Variants in PGAP6 observed in about 807,000 individuals in gnomAD.
PGAP6 encodes the protein post-GPI attachment to proteins factor 6.
PGAP6 carries 62 observed loss-of-function variants against 68.4 expected under a neutral mutation model. The ratio of observed to expected loss-of-function variants is 0.91; its 90% confidence interval spans 0.74 to 1.12. The LOEUF (loss-of-function observed/expected upper bound fraction) is 1.12. Ranked by LOEUF, PGAP6 falls within the 50% of genes most tolerant of loss-of-function variation. The probability of loss-of-function intolerance (pLI) is 0.00; values close to 1 mark genes in which losing one functional copy is unlikely to be tolerated. For missense variants in PGAP6, 1,188 were observed against 1,068.5 expected (o/e 1.11, Z -1.56); for synonymous variants, 575 against 474.0 (o/e 1.21, Z -2.77).
In PGAP6 at chr16:374,136, C is replaced by A; in HGVS notation, c.1771G>T (p.Asp591Tyr). The change falls in exon 11 of 13, where the codon GAC (aspartate) becomes TAC (tyrosine). Residue 591 changes from aspartate to tyrosine, a missense_variant. Transcript: ENST00000431232. Reference protein sequence around the residue: ...MFFSTFYHACDQPGEAVLCIL... With the variant: ...MFFSTFYHACYQPGEAVLCIL... ...CACAGCACCGCCTCCCCGGGCTGGT[C>A]GCAGGCGTGGTAGAACTGTGGGGAG... The A allele has an allele frequency of 1.2e-6, 2 of 1,611,004 alleles. No individual in the cohort carries two copies.
intron 1 of PGAP6, among the ~76,000 whole-genome samples, chr16:380,061 ACAGAG>A (rs1365009992): frequency 6.6e-6 from 1 of 152,134 alleles, no homozygotes; most frequent in Non-Finnish European, 1.5e-5. Context: ...CCACAACGCC[ACAGAG>A]CACTTACTCC....
Position 375,382 on chromosome 16 carries a change from G to A in PGAP6, c.1278C>T (p.Pro426=). Residue 426 remains proline (P), a synonymous_variant, in exon 7 of 13, where the codon CCC becomes CCT. Coordinates refer to ENST00000431232, the MANE Select transcript of PGAP6 (RefSeq NM_021259.3). ...VVVACVNAAS[P]FLGFNTSLNC... is the part of the protein sequence containing the mutation. Reference sequence around the variant, plus strand: ...TGAGCGAAGTATTGAAGCCAAGGAAGGGCGAGGCAGCATTCACGCAGGCCA... The same window carrying A: ...TGAGCGAAGTATTGAAGCCAAGGAAAGGCGAGGCAGCATTCACGCAGGCCA... 2 of 1,613,020 alleles carry A rather than the reference G, an allele frequency of 1.2e-6. No homozygotes were observed. Among genetic ancestry groups the A allele is most frequent in the Admixed American group, 1.7e-5 (1 of 60,024 alleles).
chr16:377,570 G>C lies in PGAP6; in HGVS notation c.315C>G (p.Gly105=). 1 of 1,578,490 alleles carries C rather than the reference G, an allele frequency of 6.3e-7. No homozygotes were observed. The highest frequency in any genetic ancestry group is 8.6e-7 in the Non-Finnish European group (1 of 1,162,804). ...CCAGCGGGTTGATGACCGGAGGGGC[G>C]CCGGAACGGAAGTGCCTGGAGACGG... ...DAEITVHFRS[G]APPVINPLGT... The change falls in exon 3 of 13, where the codon GGC becomes GGG. Residue 105 remains glycine (G), a synonymous_variant. Transcript: ENST00000431232.
chr16:375,521 G>C (rs1597160236), intron 6 of PGAP6, 86 bp from the exon 7 acceptor site: 4 of 1,145,894 alleles, frequency 3.5e-6, no homozygotes, highest in Non-Finnish European at 5.1e-6. Flanking sequence ...TCAGCCTGGT[G>C]CTGGTGCCTT....
chr16:371,646 T>G lies in PGAP6; in HGVS notation c.*341A>C. ...CGCCAGGGAACAGGACCATAGGGAG[T>G]CCTTCTCCCCATCTCTAGCCACCCA... is the stretch of plus-strand genomic sequence containing the variant. On this transcript the variant is annotated 3_prime_UTR_variant, in exon 13 of 13. Coordinates refer to ENST00000431232, the MANE Select transcript of PGAP6 (RefSeq NM_021259.3). 1 of 289,264 alleles carries G rather than the reference T, an allele frequency of 3.5e-6. No homozygotes were observed. Among genetic ancestry groups the G allele is most frequent in the Non-Finnish European group, 6.6e-6 (1 of 150,468 alleles). The allele number at this position is 289,264 out of a possible 1,614,324, so 17.9% of individuals were successfully genotyped here. A position where few individuals can be genotyped will look rare whatever the true frequency, so the allele number is the denominator to read the frequency against.
chr16:372,016 C>G lies in PGAP6; in HGVS notation c.2287G>C (p.Asp763His), dbSNP rs780124401. 1 of 1,612,722 alleles carries G rather than the reference C, an allele frequency of 6.2e-7. No individual in the cohort carries two copies. Residue 763 changes from aspartate to histidine, a missense_variant, in exon 13 of 13, where the codon GAT becomes CAT. By Grantham distance (81) the Asp-to-His change is moderately conservative. Coordinates refer to ENST00000431232, the MANE Select transcript of PGAP6 (RefSeq NM_021259.3). ...FPCHYQICKN[D>H]REELYAVT is the part of the protein sequence containing the mutation. ...GTCACTGCGTACAGTTCCTCCCGAT[C>G]GTTCTTGCAGATCTGATAGTGGCAG...
At chr16:378,216 C>T (rs2054405184) in intron 1 of PGAP6, among the ~76,000 whole-genome samples, 1 of 149,240 alleles carries the variant, frequency 6.7e-6, no homozygotes, top group African/African-American at 2.5e-5. Context: ...TGACTGCCAT[C>T]GCCACCCTGA....
chr16:374,624 G>C (rs1244308092), intron 9 of PGAP6, 132 bp downstream of exon 9: 1 of 1,298,308 alleles, frequency 7.7e-7, no homozygotes, highest in Non-Finnish European at 1.0e-6. Context: ...TGGGGAGGAG[G>C]CTTTGCCCCT....
At chr16:385,638 TTTTTG>T (rs1248356607), upstream of PGAP6, among the ~76,000 whole-genome samples, 3,260 of 128,420 alleles carry the variant, frequency 0.025, 161 homozygotes, top group African/African-American at 0.063. Flanking sequence ...TTTTTTTTTT[TTTTTG>T]AGATGGAATC....
In PGAP6 at chr16:372,114, G is replaced by A. The variant is rs980542342; in HGVS notation, c.2189C>T (p.Ala730Val). 3.1e-6 allele frequency: 5 copies of A among 1,612,742 alleles called. No homozygotes were observed. The African/African-American group carries it at 4.0e-5, about 13-fold the overall frequency. ...YTHSIWHILL[A>V]GSAALLLPPP... ...CGGCAGCAGCAAGGCTGCGCTCCCG[G>A]CCAGCAGGATGTGCCAGATGCTGTG... Residue 730 changes from alanine to valine, a missense_variant, in exon 13 of 13, where the codon GCC (alanine) becomes GTC (valine). Transcript: ENST00000431232.
Position 374,422 on chromosome 16 carries a change from C to T in PGAP6, c.1577-23G>A, listed in dbSNP as rs146653525. 1.1e-4 allele frequency: 170 copies of T among 1,539,836 alleles called. No individual in the cohort carries two copies. In the East Asian group the frequency reaches 3.0e-3, roughly 27 times the overall value. On this transcript the variant is annotated intron_variant, in intron 9 of 12. Transcript: ENST00000431232. ...AGCCTGCGGTCACAAAACCCCGACG[C>T]GGAGGCTGGGGGCACTGCTGAACCT...
chr16:384,755 C>G (rs992957686), upstream of PGAP6, among the ~76,000 whole-genome samples: 1 of 151,718 alleles, frequency 6.6e-6, no homozygotes, highest in African/African-American at 2.4e-5. Flanking sequence ...ACTCCAGAGG[C>G]TGAGGCAGGA....
intron 1 of PGAP6, among the ~76,000 whole-genome samples, chr16:379,757 G>A (rs142112412): frequency 5.3e-5 from 8 of 152,320 alleles, no homozygotes; most frequent in Admixed American, 1.3e-4. Context: ...CCCAGTCCCC[G>A]ACTCCCAGGG....
rs955303702 is a variant in PGAP6 at position 370,996 on chromosome 16, C to G, written c.*991G>C. 1.3e-5 allele frequency: 2 copies of G among 152,230 alleles called. No individual in the cohort carries two copies. The highest frequency in any genetic ancestry group is 6.5e-5 in the Admixed American group (1 of 15,282). 9.4% of individuals were successfully genotyped at this position (152,230 alleles called of 1,614,324 possible). A position where few individuals can be genotyped will look rare whatever the true frequency, so the allele number is the denominator to read the frequency against. ...TAAGACCTTCAGGAAGGCCATATCC[C>G]GGACAAGACCCAGAAGGGAAGCCCC... On this transcript the variant is annotated 3_prime_UTR_variant, in exon 13 of 13. Transcript: ENST00000431232.
chr16:374,225 GAGA>G lies in PGAP6; in HGVS notation c.1748_1750del (p.Phe583del), dbSNP rs1567323037. 6 of 1,609,980 alleles carry G rather than the reference GAGA, an allele frequency of 3.7e-6. No homozygotes were observed. The highest frequency in any genetic ancestry group is 5.1e-6 in the Non-Finnish European group (6 of 1,179,630). Reference sequence around the variant, plus strand: ...CTGCAGGAGGGGCCAGCCTACCGTGGAGAAGAACATGGTGTAGGCGTAGACGGA... The same window carrying G: ...CTGCAGGAGGGGCCAGCCTACCGTGGAGAACATGGTGTAGGCGTAGACGGA... On this transcript the variant is annotated inframe_deletion, in exon 10 of 13. Transcript: ENST00000431232.
upstream of PGAP6, among the ~76,000 whole-genome samples, chr16:385,736 T>A (rs540852966): frequency 3.4e-5 from 5 of 148,428 alleles, no homozygotes; most frequent in African/African-American, 5.0e-5. Context: ...GCCATTCTCC[T>A]GCCTCAGCCT....
At chr16:382,146 G>C (rs1420285626), upstream of PGAP6, 1 of 383,134 alleles carries the variant, frequency 2.6e-6, no homozygotes, top group East Asian at 3.7e-5. Context: ...CGCGCGGTCC[G>C]GGGGGACGCT....
intron 1 of PGAP6, among the ~76,000 whole-genome samples, chr16:379,444 C>T (rs2054420424): frequency 6.6e-6 from 1 of 152,268 alleles, no homozygotes; most frequent in Admixed American, 6.5e-5. Context: ...TTCCAGGTGT[C>T]TGCTGGCCAC....
intron 9 of PGAP6, 141 bp from the exon 10 acceptor site, chr16:374,540 G>A (rs2054363708): frequency 1.8e-6 from 2 of 1,134,860 alleles, no homozygotes; most frequent in Non-Finnish European, 1.2e-6. Flanking sequence ...TCCAAGGTCA[G>A]GAGGCAGTAC....
Sources: gnomAD v4.1 joint callset for allele counts (sites outside exome capture counted in the v4.1 genomes callset) on GRCh38, gnomAD v4.1.1 for gene constraint, MANE v1.5 for transcripts, NCBI Gene and HGNC (gene_info 2026-07-23, HGNC 2026-07-21) for gene names.